The following UPK1B variants were observed in gnomAD, a reference collection of about 807,000 sequenced individuals.
UPK1B encodes the protein uroplakin 1B.
A neutral mutation model predicts 34.2 loss-of-function variants in UPK1B; 28 were observed. The observed-to-expected ratio is 0.82, with a 90% CI of 0.61 to 1.12. The LOEUF (loss-of-function observed/expected upper bound fraction) is 1.12, where lower values mean the gene tolerates loss of function less well. Among genes scored for constraint, UPK1B ranks in the 50% most tolerant of loss-of-function variants. The pLI is 0.00. For synonymous variants in UPK1B, 81 were observed against 110.4 expected, an observed-to-expected ratio of 0.73 and a Z score of 1.67; for missense variants, 325 against 320.9, an observed-to-expected ratio of 1.01 and a Z score of -0.10.
At chr3:119,189,518 T>A (rs1434696895) in intron 3 of UPK1B, among the ~76,000 whole-genome samples, 1 of 152,252 alleles carries the variant, frequency 6.6e-6, no homozygotes, top group African/African-American at 2.4e-5. Context: ...AGCATCACTG[T>A]CATGTGGAGG....
chr3:119,178,734 A>G (rs1303860859), intron 1 of UPK1B, among the ~76,000 whole-genome samples: 1 of 152,240 alleles, frequency 6.6e-6, no homozygotes, highest in Non-Finnish European at 1.5e-5. Flanking sequence ...AAATTAGGAA[A>G]TGACTGGAAT....
intron 7 of UPK1B, among the ~76,000 whole-genome samples, chr3:119,202,931 C>T (rs1045135726): frequency 8.5e-5 from 13 of 152,160 alleles, no homozygotes; most frequent in Middle Eastern, 3.4e-3. Flanking sequence ...GGGATCAGAA[C>T]GTGGGGAACA....
chr3:119,199,112 G>A lies in UPK1B; in HGVS notation c.704G>A (p.Trp235Ter), dbSNP rs1157292372. The A allele has an allele frequency of 1.2e-6, 2 of 1,614,152 alleles. No homozygotes were observed. Among genetic ancestry groups the A allele is most frequent in the Non-Finnish European group, 1.7e-6 (2 of 1,180,006 alleles). Residue 235 changes from tryptophan to a stop codon, truncating the protein, a stop_gained, in exon 7 of 8, where the codon TGG becomes TAG. Transcript: ENST00000264234. LOFTEE classifies it high-confidence loss of function. ...AACCGACACGCCTGGGGGGTTGCCT[G>A]GTTTGGATTTGCCATTCTCTGCTGG... ...PMNRHAWGVA[W>*]FGFAILCWTF... is the part of the protein sequence containing the mutation.
chr3:119,185,524 C>T (rs73854425), intron 1 of UPK1B, among the ~76,000 whole-genome samples: 21 of 152,112 alleles, frequency 1.4e-4, no homozygotes, highest in African/African-American at 4.6e-4. Context: ...CATATCAAAC[C>T]ATACACATCC....
chr3:119,178,439 G>A (rs570212303), intron 1 of UPK1B, among the ~76,000 whole-genome samples: 294 of 152,306 alleles, frequency 1.9e-3, no homozygotes, highest in Non-Finnish European at 3.5e-3. Flanking sequence ...GGGAACCTTT[G>A]AAGGGTTCTA....
intron 6 of UPK1B, among the ~76,000 whole-genome samples, chr3:119,198,678 A>C (rs930358918): frequency 5.9e-5 from 9 of 152,244 alleles, no homozygotes; most frequent in African/African-American, 2.2e-4. Flanking sequence ...AACAAATCAA[A>C]AAGTAACTGC....
chr3:119,194,860 T>C (rs961313759), intron 6 of UPK1B, among the ~76,000 whole-genome samples: 11 of 152,374 alleles, frequency 7.2e-5, no homozygotes, highest in South Asian at 6.2e-4. Flanking sequence ...ACAGTCTTAA[T>C]AAACATTAGG....
intron 5 of UPK1B, 79 bp from the exon 6 acceptor site, chr3:119,194,140 C>T (rs933402398): frequency 2.2e-6 from 3 of 1,356,502 alleles, no homozygotes; most frequent in Non-Finnish European, 3.0e-6. Context: ...TCTTCTTTCT[C>T]TATAAAATTT....
chr3:119,190,478 T>C (rs1428482519), intron 4 of UPK1B, among the ~76,000 whole-genome samples, 159 bp downstream of exon 4: 2 of 152,066 alleles, frequency 1.3e-5, no homozygotes, highest in African/African-American at 4.8e-5. Flanking sequence ...ATAGGCATTA[T>C]CACTCTGGTC....
At chr3:119,179,987 G>A (rs1488237835) in intron 1 of UPK1B, among the ~76,000 whole-genome samples, 1 of 151,762 alleles carries the variant, frequency 6.6e-6, no homozygotes, top group African/African-American at 2.4e-5. Context: ...TAGTAGAGAC[G>A]AGGTTTCTCC....
chr3:119,179,983 AG>A (rs2077982281), intron 1 of UPK1B, among the ~76,000 whole-genome samples: 2 of 151,788 alleles, frequency 1.3e-5, no homozygotes, highest in African/African-American at 4.8e-5. Context: ...TTTTTAGTAG[AG>A]ACGAGGTTTC....
chr3:119,203,848 CT>C, intron 7 of UPK1B, 68 bp from the exon 8 acceptor site: 2 of 1,527,694 alleles, frequency 1.3e-6, no homozygotes, highest in East Asian at 2.3e-5. Context: ...CTAACATCCA[CT>C]TTTTCCAAGA....
At position 119,204,195 on chromosome 3, in the gene UPK1B, AGG is replaced by A; in HGVS notation, c.*229_*230del. ...TGCAACATTTATATAGACTGTTGAA[AGG>A]AGAATTTGAAAAATGCATAATAACT... On this transcript the variant is annotated 3_prime_UTR_variant, in exon 8 of 8. Coordinates refer to ENST00000264234, the MANE Select transcript of UPK1B (RefSeq NM_006952.4). 1 of 493,344 alleles carries A rather than the reference AGG, an allele frequency of 2.0e-6. No homozygotes were observed. The highest frequency in any genetic ancestry group is 3.6e-6 in the Non-Finnish European group (1 of 279,684). 30.6% of individuals were successfully genotyped at this position (493,344 alleles called of 1,614,324 possible). A position where few individuals can be genotyped will look rare whatever the true frequency, so the allele number is the denominator to read the frequency against.
Position 119,191,004 on chromosome 3 carries a change from A to G in UPK1B, c.368A>G (p.Lys123Arg). ...TAGTTCACACCCAACCTCTTCCTGAAGCAGATGCTAGAGAGGTACCAAAAC... is the reference window on the plus strand; with the variant it reads ...TAGTTCACACCCAACCTCTTCCTGAGGCAGATGCTAGAGAGGTACCAAAAC... ...QDFFTPNLFL[K>R]QMLERYQNNS... The change falls in exon 5 of 8, where the codon AAG becomes AGG. Residue 123 changes from lysine to arginine, a missense_variant. Physicochemically the swap from Lys to Arg is conservative, Grantham distance 26. Coordinates refer to ENST00000264234, the MANE Select transcript of UPK1B (RefSeq NM_006952.4). 6.2e-7 allele frequency: 1 copy of G among 1,613,998 alleles called. No individual in the cohort carries two copies. Among genetic ancestry groups the G allele is most frequent in the Non-Finnish European group, 8.5e-7 (1 of 1,179,926 alleles).
chr3:119,203,340 C>CAAAAAAAAAA (rs55752613), intron 7 of UPK1B, among the ~76,000 whole-genome samples: 2 of 62,026 alleles, frequency 3.2e-5, no homozygotes, highest in Non-Finnish European at 5.7e-5. Flanking sequence ...AACTCCGTCT[C>CAAAAAAAAAA]AAAAAAAAAA....
chr3:119,175,637 T>C (rs1222533919), intron 1 of UPK1B, among the ~76,000 whole-genome samples: 1 of 151,376 alleles, frequency 6.6e-6, no homozygotes, highest in Non-Finnish European at 1.5e-5. Flanking sequence ...TGAGTGCTCC[T>C]GAGCCATTGC....
rs745791886 is a variant in UPK1B at position 119,187,947 on chromosome 3, TG to T, written c.243del (p.Met81IlefsTer14). Reference protein sequence around the residue: ...CLSVLGIVGIMKSSRKILLAY... With the variant: ...CLSVLGIVGIXKSSRKILLAY... ...TCTGTTCTAGGCATTGTAGGCATCA[TG>T]AAGTCCAGCAGGAAAATTCTTCTGG... On this transcript the variant is annotated frameshift_variant, in exon 3 of 8. Transcript: ENST00000264234. LOFTEE classifies it high-confidence loss of function. 1 of 1,614,194 alleles carries T rather than the reference TG, an allele frequency of 6.2e-7. No homozygotes were observed. Among genetic ancestry groups the T allele is most frequent in the African/African-American group, 1.3e-5 (1 of 75,048 alleles).
intron 4 of UPK1B, 26 bp downstream of exon 4, chr3:119,190,345 T>C (rs369906603): frequency 7.8e-6 from 12 of 1,546,942 alleles, no homozygotes; most frequent in Non-Finnish European, 1.1e-5. Flanking sequence ...AAAAGCAAAA[T>C]AATATGAATT....
intron 1 of UPK1B, among the ~76,000 whole-genome samples, chr3:119,183,602 C>A (rs142790979): frequency 6.6e-6 from 1 of 152,064 alleles, no homozygotes; most frequent in Non-Finnish European, 1.5e-5. Flanking sequence ...ACAGCTTCTC[C>A]CCCTAGATCC....
Sources: allele counts gnomAD v4.1 joint callset (sites outside exome capture counted in the v4.1 genomes callset), GRCh38; gene constraint gnomAD v4.1.1; transcripts MANE v1.5; gene names NCBI Gene and HGNC (gene_info 2026-07-23, HGNC 2026-07-21).